SREBF2: variants seen among roughly 807,000 people sequenced by gnomAD.
The protein encoded by SREBF2 is sterol regulatory element binding transcription factor 2.
Under a neutral mutation model 113.1 loss-of-function variants are expected in SREBF2, and 55 were observed. The observed-to-expected ratio is 0.49, with a 90% confidence interval of 0.39 to 0.61. The LOEUF (loss-of-function observed/expected upper bound fraction) is 0.61, where lower values mean the gene tolerates loss of function less well. Ranked by LOEUF, SREBF2 falls within the 20% of genes least tolerant of loss-of-function variation. The probability of loss-of-function intolerance (pLI) is 0.00; values close to 1 mark genes in which losing one functional copy is unlikely to be tolerated. For missense variants in SREBF2, 1,349 were observed against 1,487.4 expected, an observed-to-expected ratio of 0.91 and a Z score of 1.53; for synonymous variants, 593 against 605.7, an observed-to-expected ratio of 0.98 and a Z score of 0.31.
At chr22:41,871,717 CCCCATTTCTACT>C (rs1421273884) in intron 4 of SREBF2, among the ~76,000 whole-genome samples, 17 of 151,456 alleles carry the variant, frequency 1.1e-4, no homozygotes, top group African/African-American at 3.6e-4. Flanking sequence ...CACGGTGAAA[CCCCATTTCTACT>C]AAAAATACAA....
Position 41,905,973 on chromosome 22 carries a change from C to T in SREBF2, c.*313C>T, listed in dbSNP as rs1456049612. The stretch of plus-strand genomic sequence containing the variant: ...GCCTCCAGCCTTCCTGAGTTTCTCT[C>T]TCCTGAACCCTACTCTCTCCTTTTT... On this transcript the variant is annotated 3_prime_UTR_variant, in exon 19 of 19. Coordinates refer to ENST00000361204, the MANE Select transcript of SREBF2 (RefSeq NM_004599.4). 3 of 590,622 alleles carry T rather than the reference C, an allele frequency of 5.1e-6. No homozygotes were observed. Among genetic ancestry groups the T allele is most frequent in the Non-Finnish European group, 9.6e-6 (3 of 313,672 alleles). 36.6% of individuals were successfully genotyped at this position (590,622 alleles called of 1,614,324 possible). A position where few individuals can be genotyped will look rare whatever the true frequency, so the allele number is the denominator to read the frequency against.
chr22:41,899,717 A>G (rs2077448373), intron 15 of SREBF2, among the ~76,000 whole-genome samples: 1 of 152,162 alleles, frequency 6.6e-6, no homozygotes, highest in Non-Finnish European at 1.5e-5. Context: ...GCCTGAGGAC[A>G]CTGAGACTCA....
At chr22:41,853,702 T>A (rs771029751) in intron 1 of SREBF2, among the ~76,000 whole-genome samples, 8 of 152,140 alleles carry the variant, frequency 5.3e-5, no homozygotes, top group Non-Finnish European at 1.2e-4. Flanking sequence ...AATATCTTAT[T>A]CCATTATGAG....
intron 9 of SREBF2, among the ~76,000 whole-genome samples, chr22:41,879,598 C>A (rs925472309): frequency 2.0e-5 from 3 of 152,226 alleles, no homozygotes; most frequent in Non-Finnish European, 4.4e-5. Context: ...GCAGGTCCTT[C>A]TGGCTGGAAA....
rs533566059 is a variant in SREBF2 at position 41,857,066 on chromosome 22, CAAAAA to C, written c.89-9753_89-9749del. ...TGGGCAACAGAGCAAGACTCTGTCT[CAAAAA>C]AAAAAAAAAAAGAATTTGATTTGAT... is the stretch of plus-strand genomic sequence containing the variant. On this transcript the variant is annotated intron_variant, in intron 1 of 18. Coordinates refer to ENST00000361204, the MANE Select transcript of SREBF2 (RefSeq NM_004599.4). 3.7e-5 allele frequency among the ~76,000 whole-genome samples: 4 copies of C among 106,774 alleles called. No homozygotes were observed. The East Asian group carries it at 9.5e-4, about 25-fold the overall frequency. The allele number at this position is 106,774 out of a possible 152,430, so 70.0% of individuals were successfully genotyped here.
chr22:41,875,837 G>A, intron 7 of SREBF2, 113 bp downstream of exon 7: 1 of 1,229,026 alleles, frequency 8.1e-7, no homozygotes, highest in South Asian at 1.2e-5. Flanking sequence ...GCCTAGCCTG[G>A]AGAAAAACAG....
chr22:41,841,278 C>T (rs529404146), intron 1 of SREBF2, among the ~76,000 whole-genome samples: 1 of 152,264 alleles, frequency 6.6e-6, no homozygotes, highest in Non-Finnish European at 1.5e-5. Flanking sequence ...CCTTTTGTAC[C>T]TTTTTAAAGA....
At chr22:41,897,275 TC>T in intron 14 of SREBF2, 114 bp downstream of exon 14, 1 of 643,644 alleles carries the variant, frequency 1.6e-6, no homozygotes, top group Non-Finnish European at 2.7e-6. Flanking sequence ...CTTCTCTGGA[TC>T]CCAGGTTCAT....
At position 41,872,969 on chromosome 22, in the gene SREBF2, G is replaced by A. The variant is rs534536208; in HGVS notation, c.868-829G>A. On this transcript the variant is annotated intron_variant, in intron 4 of 18. Transcript: ENST00000361204. ...TCCCAGCACTTTGGGAGGCCAAGGC[G>A]GGTGGATCACCTGAGGTCAGCAGTT... Among the ~76,000 whole-genome samples, 23 of 151,982 alleles carry A rather than the reference G, an allele frequency of 1.5e-4. No homozygotes were observed. The South Asian group carries it at 2.1e-3, about 14-fold the overall frequency.
chr22:41,869,295 G>GT (rs2077116632), intron 3 of SREBF2, among the ~76,000 whole-genome samples: 1 of 109,078 alleles, frequency 9.2e-6, no homozygotes, highest in African/African-American at 3.9e-5. Context: ...AGTAGAGACG[G>GT]GATGTTGGCC....
At chr22:41,891,211 C>T (rs968288089) in intron 11 of SREBF2, 3 of 152,254 alleles carry the variant, frequency 2.0e-5, no homozygotes, top group African/African-American at 7.2e-5. Context: ...ATCTCCCTCC[C>T]TGCTCAGCTC....
chr22:41,905,712 C>A lies in SREBF2; in HGVS notation c.*52C>A, dbSNP rs765568769. The A allele has an allele frequency of 1.3e-6, 2 of 1,516,828 alleles. No homozygotes were observed. Among genetic ancestry groups the A allele is most frequent in the Non-Finnish European group, 9.0e-7 (1 of 1,116,294 alleles). The allele number at this position is 1,516,828 out of a possible 1,614,324, so 94.0% of individuals were successfully genotyped here. A position where few individuals can be genotyped will look rare whatever the true frequency, so the allele number is the denominator to read the frequency against. ...CTCTCTCTCGATTTCTCTCTCTCCCCCTCAGCATCTTCCCGCTGAGAGTGG... is the reference window on the plus strand; with the variant it reads ...CTCTCTCTCGATTTCTCTCTCTCCCACTCAGCATCTTCCCGCTGAGAGTGG... On this transcript the variant is annotated 3_prime_UTR_variant, in exon 19 of 19. Transcript: ENST00000361204.
At position 41,877,278 on chromosome 22, in the gene SREBF2, G is replaced by A. The variant is rs141419462; in HGVS notation, c.1436G>A (p.Arg479His). 7.4e-6 allele frequency: 12 copies of A among 1,614,070 alleles called. No individual in the cohort carries two copies. Among genetic ancestry groups the A allele is most frequent in the Admixed American group, 1.7e-5 (1 of 59,990 alleles). Residue 479 changes from arginine (R) to histidine (H), a missense_variant, in exon 8 of 19, where the codon CGC becomes CAC. Arg to His is a conservative substitution (Grantham distance 29). This residue lies in a region of SREBF2 where 699 missense variants were observed against 843.3 expected (regional missense o/e 0.83). Coordinates refer to ENST00000361204, the MANE Select transcript of SREBF2 (RefSeq NM_004599.4). ...SPPVALGMVD[R>H]SRILLCVLTF... ...CCTGTGGCGCTGGGCATGGTAGACC[G>A]CTCACGGATTCTTCTGTGTGTCCTC...
Position 41,897,111 on chromosome 22 carries a change from G to T in SREBF2, c.2555G>T (p.Gly852Val). The T allele has an allele frequency of 1.2e-6, 2 of 1,612,670 alleles. No homozygotes were observed. The highest frequency in any genetic ancestry group is 3.9e-4 in the Middle Eastern group (2 of 5,136). ...KLLHSFVDSVGVMSPPLSRSS... is the reference protein window; with the variant it reads ...KLLHSFVDSVVVMSPPLSRSS... ...CTTCATTCTTTTGTGGACTCTGTGG[G>T]GGTTATGAGCCCCCCACTCTCCAGG... The change falls in exon 14 of 19, where the codon GGG becomes GTG. Residue 852 changes from glycine to valine, a missense_variant. Coordinates refer to ENST00000361204, the MANE Select transcript of SREBF2 (RefSeq NM_004599.4).
In SREBF2 at chr22:41,903,298, G is replaced by C; in HGVS notation, c.3093+143G>C. The C allele has an allele frequency of 7.9e-6, 8 of 1,017,156 alleles. No homozygotes were observed. The South Asian group carries it at 9.8e-5, about 12-fold the overall frequency. 63.0% of individuals were successfully genotyped at this position (1,017,156 alleles called of 1,614,324 possible). On this transcript the variant is annotated intron_variant, in intron 17 of 18. Coordinates refer to ENST00000361204, the MANE Select transcript of SREBF2 (RefSeq NM_004599.4). ...GACCTGTCGAGCACCTGCTTGGCTC[G>C]TGCCCAACACTGGGCTAGGCGCCAT...
At chr22:41,860,017 G>A (rs951642034) in intron 1 of SREBF2, among the ~76,000 whole-genome samples, 1 of 151,684 alleles carries the variant, frequency 6.6e-6, no homozygotes, top group African/African-American at 2.4e-5. Flanking sequence ...GTGTTAGCCA[G>A]GATGGTCTCG....
chr22:41,905,628 C>G lies in SREBF2; in HGVS notation c.3394C>G (p.Leu1132Val), dbSNP rs1013534109. ...CNDCQQMIVK[L>V]GGGTAIAAS ...CGACTGCCAGCAGATGATTGTTAAG[C>G]TGGGTGGTGGCACTGCCATTGCCGC... Residue 1132 changes from leucine to valine, a missense_variant, in exon 19 of 19, where the codon CTG (leucine) becomes GTG (valine). By Grantham distance (32) the Leu-to-Val change is conservative. Transcript: ENST00000361204. 2.5e-6 allele frequency: 4 copies of G among 1,595,492 alleles called. No homozygotes were observed. The African/African-American group carries it at 4.0e-5, about 16-fold the overall frequency.
At chr22:41,886,982 G>A (rs983707979) in intron 11 of SREBF2, among the ~76,000 whole-genome samples, 2 of 152,078 alleles carry the variant, frequency 1.3e-5, no homozygotes, top group Non-Finnish European at 2.9e-5. Context: ...TGCATTGAGC[G>A]GAGATCACGC....
chr22:41,906,463 G>T lies in SREBF2; in HGVS notation c.*803G>T. On this transcript the variant is annotated 3_prime_UTR_variant, in exon 19 of 19. Coordinates refer to ENST00000361204, the MANE Select transcript of SREBF2 (RefSeq NM_004599.4). ...GCTGGGAGAAATGAAGCCACCCATGGGGACTGGGGACCAGGGGCCTTCAGC... is the reference window on the plus strand; with the variant it reads ...GCTGGGAGAAATGAAGCCACCCATGTGGACTGGGGACCAGGGGCCTTCAGC... The T allele has an allele frequency of 6.0e-6, 1 of 166,388 alleles. No individual in the cohort carries two copies. The highest frequency in any genetic ancestry group is 1.5e-4 in the South Asian group (1 of 6,544). The allele number at this position is 166,388 out of a possible 1,614,324, so 10.3% of individuals were successfully genotyped here. A position where few individuals can be genotyped will look rare whatever the true frequency, so the allele number is the denominator to read the frequency against.
Sources: gnomAD v4.1 joint callset for allele counts (sites outside exome capture counted in the v4.1 genomes callset) on GRCh38, gnomAD v4.1.1 for gene constraint, gnomAD v4.1.1 regional missense constraint, MANE v1.5 for transcripts, NCBI Gene and HGNC (gene_info 2026-07-23, HGNC 2026-07-21) for gene names.